Variants in HYDIN observed in about 807,000 individuals in gnomAD.
HYDIN encodes the protein HYDIN axonemal central pair apparatus protein, also known as axonemal central pair apparatus protein HYDIN.
HYDIN carries 132 observed loss-of-function variants against 403.9 expected under a neutral mutation model. That is an observed-to-expected ratio of 0.33 (90% CI 0.28 to 0.38). HYDIN has a LOEUF of 0.38. Ranked by LOEUF, HYDIN falls within the 10% of genes least tolerant of loss-of-function variation. The pLI, the probability that HYDIN is intolerant of heterozygous loss-of-function variation, is 1.00. For missense variants in HYDIN, 2,827 were observed against 5,009.5 expected (o/e 0.56, Z 13.15); for synonymous variants, 1,202 against 1,891.7 (o/e 0.64, Z 9.46).
At chr16:71,154,332 T>C (rs2085667983) in intron 6 of HYDIN, among the ~76,000 whole-genome samples, 1 of 145,806 alleles carries the variant, frequency 6.9e-6, no homozygotes, top group African/African-American at 2.6e-5. Flanking sequence ...GATGTTTTGA[T>C]ACAGGCATGC....
intron 30 of HYDIN, among the ~76,000 whole-genome samples, chr16:70,977,610 C>T (rs1421014201): frequency 1.4e-5 from 2 of 144,530 alleles, no homozygotes; most frequent in Non-Finnish European, 3.0e-5. Context: ...ATGATTCTTC[C>T]TTAGAACAAT....
chr16:71,062,262 G>A lies in HYDIN; in HGVS notation c.2283C>T (p.Thr761=). The change falls in exon 17 of 86, where the codon ACC becomes ACT. Residue 761 remains threonine (T), a synonymous_variant. Transcript: ENST00000393567. ...TCTCCAGGACCAGTGGTATGTGGAT[G>A]GTGCTGCTTGGGGAGATGACCCCGC... ...TPSGVISPSS[T]IHIPLVLETQ... 6.6e-7 allele frequency: 1 copy of A among 1,521,178 alleles called. No homozygotes were observed. The highest frequency in any genetic ancestry group is 2.3e-5 in the East Asian group (1 of 42,612). 94.2% of individuals were successfully genotyped at this position (1,521,178 alleles called of 1,614,324 possible). A position where few individuals can be genotyped will look rare whatever the true frequency, so the allele number is the denominator to read the frequency against.
intron 63 of HYDIN, 107 bp downstream of exon 63, chr16:70,874,710 A>T: frequency 7.5e-7 from 1 of 1,326,608 alleles, no homozygotes; most frequent in South Asian, 1.6e-5. Flanking sequence ...GCTAGAGGCC[A>T]GTGGTGACGA....
intron 18 of HYDIN, among the ~76,000 whole-genome samples, chr16:71,037,925 G>A (rs1025869818): frequency 2.0e-5 from 3 of 152,226 alleles, no homozygotes; most frequent in African/African-American, 4.8e-5. Flanking sequence ...GCCTTAAGCC[G>A]CTATATTTGT....
chr16:71,089,426 T>C (rs1295969583), intron 11 of HYDIN, among the ~76,000 whole-genome samples: 1 of 149,448 alleles, frequency 6.7e-6, no homozygotes, highest in Non-Finnish European at 1.5e-5. Flanking sequence ...TCCTGATTTA[T>C]ATAGGAACCA....
chr16:71,222,006 T>C (rs960031552), intron 1 of HYDIN, among the ~76,000 whole-genome samples: 4 of 152,230 alleles, frequency 2.6e-5, no homozygotes, highest in African/African-American at 9.6e-5. Flanking sequence ...TTGTACCTCA[T>C]TTCTATTTTC....
At chr16:71,115,053 C>G (rs1256760968) in intron 10 of HYDIN, among the ~76,000 whole-genome samples, 1 of 150,592 alleles carries the variant, frequency 6.6e-6, no homozygotes, top group African/African-American at 2.5e-5. Flanking sequence ...AATATTTTTA[C>G]TGCTCTAAGA....
chr16:71,151,629 G>A (rs1306867341), intron 7 of HYDIN, among the ~76,000 whole-genome samples: 5 of 151,420 alleles, frequency 3.3e-5, no homozygotes, highest in Admixed American at 2.6e-4. Context: ...CTCTTTCCCC[G>A]GCTGTGCGCC....
Position 70,837,678 on chromosome 16 carries a change from A to C in HYDIN, c.13242+12T>G, listed in dbSNP as rs760237108. On this transcript the variant is annotated intron_variant, in intron 77 of 85. Transcript: ENST00000393567. ...GGGTGCCACGCCTGAAGGCCTCCCGACTGTCTGTTACCTTCATTTTGGTAC... is the reference window on the plus strand; with the variant it reads ...GGGTGCCACGCCTGAAGGCCTCCCGCCTGTCTGTTACCTTCATTTTGGTAC... 4.3e-6 allele frequency: 7 copies of C among 1,613,708 alleles called. No homozygotes were observed. The highest frequency in any genetic ancestry group is 5.9e-6 in the Non-Finnish European group (7 of 1,179,782).
chr16:71,110,246 ATAT>A (rs1218673882), intron 10 of HYDIN, among the ~76,000 whole-genome samples: 1 of 145,866 alleles, frequency 6.9e-6, no homozygotes, highest in Non-Finnish European at 1.5e-5. Context: ...GTGTATATAT[ATAT>A]TATATTATAT....
At chr16:70,962,300 G>A (rs2078444114) in intron 37 of HYDIN, among the ~76,000 whole-genome samples, 162 bp from the exon 38 acceptor site, 1 of 150,708 alleles carries the variant, frequency 6.6e-6, no homozygotes, top group African/African-American at 2.4e-5. Context: ...GCAGTCAGTT[G>A]GCTATTCCTC....
intron 8 of HYDIN, among the ~76,000 whole-genome samples, chr16:71,133,644 G>A (rs1419164000): frequency 6.6e-6 from 1 of 152,130 alleles, no homozygotes; most frequent in African/African-American, 2.4e-5. Context: ...TTGAGAAAAC[G>A]GCTGTGACCT....
chr16:71,000,429 A>G (rs2031641191), intron 23 of HYDIN, among the ~76,000 whole-genome samples: 1 of 149,298 alleles, frequency 6.7e-6, no homozygotes, highest in Non-Finnish European at 1.5e-5. Context: ...TCAGTTACCT[A>G]TGGGGTAATG....
chr16:70,959,808 T>C lies in HYDIN; in HGVS notation c.5981A>G (p.Gln1994Arg). The C allele has an allele frequency of 3.6e-6, 3 of 835,266 alleles. 1 individual carries two copies. Among genetic ancestry groups the C allele is most frequent in the Non-Finnish European group, 1.8e-6 (1 of 550,554 alleles). 51.7% of individuals were successfully genotyped at this position (835,266 alleles called of 1,614,324 possible). A position where few individuals can be genotyped will look rare whatever the true frequency, so the allele number is the denominator to read the frequency against. The change falls in exon 39 of 86, where the codon CAG becomes CGG. Residue 1994 changes from glutamine to arginine, a missense_variant. By Grantham distance (43) the Gln-to-Arg change is conservative. Coordinates refer to ENST00000393567, the MANE Select transcript of HYDIN (RefSeq NM_001270974.2). ...EKIIFQTDKL[Q>R]SIDSHSMEEV... ...CTCCATGGAGTGGCTGTCAATGCTCTGAAGCTTGTCAGCTGCAAATTTAAA... is the reference window on the plus strand; with the variant it reads ...CTCCATGGAGTGGCTGTCAATGCTCCGAAGCTTGTCAGCTGCAAATTTAAA...
intron 41 of HYDIN, among the ~76,000 whole-genome samples, chr16:70,946,492 G>C (rs1025595649): frequency 6.6e-6 from 1 of 152,134 alleles, no homozygotes; most frequent in South Asian, 2.1e-4. Flanking sequence ...TGTTCAGCTG[G>C]TCTGCATGGA....
intron 41 of HYDIN, among the ~76,000 whole-genome samples, chr16:70,945,620 C>T (rs1173729741): frequency 1.3e-5 from 2 of 152,082 alleles, no homozygotes; most frequent in Admixed American, 1.3e-4. Context: ...ACTCCAATGA[C>T]TAGGAATTTG....
At chr16:71,171,425 TG>T (rs1310171808) in intron 5 of HYDIN, among the ~76,000 whole-genome samples, 3 of 152,232 alleles carry the variant, frequency 2.0e-5, no homozygotes, top group African/African-American at 4.8e-5. Flanking sequence ...TTATTCATTG[TG>T]AAATGTAAGC....
At chr16:71,213,590 T>A (rs8046183) in intron 1 of HYDIN, among the ~76,000 whole-genome samples, 52,936 of 151,918 alleles carry the variant, frequency 0.35, 9,682 homozygotes, top group East Asian at 0.57. Context: ...AATCCAGCAA[T>A]AACATATTGA....
chr16:71,211,979 T>G (rs767205440), intron 1 of HYDIN, among the ~76,000 whole-genome samples: 37 of 151,856 alleles, frequency 2.4e-4, no homozygotes, highest in Non-Finnish European at 2.5e-4. Flanking sequence ...ACAACTGGAG[T>G]CTTCAAAAAC....
Sources: gnomAD v4.1 joint callset for allele counts (sites outside exome capture counted in the v4.1 genomes callset) on GRCh38, gnomAD v4.1.1 for gene constraint, MANE v1.5 for transcripts, NCBI Gene and HGNC (gene_info 2026-07-23, HGNC 2026-07-21) for gene names.